ARHGAP8: variants seen among roughly 807,000 people sequenced by gnomAD.
ARHGAP8 encodes rho GTPase-activating protein 8.
Under a neutral mutation model 46.1 loss-of-function variants are expected in ARHGAP8, and 62 were observed. The observed-to-expected ratio is 1.34, with a 90% CI of 1.10 to 1.66. The LOEUF is 1.66. Ranked by LOEUF, ARHGAP8 falls within the 40% of genes most tolerant of loss-of-function variation. The pLI is 0.00. For synonymous variants in ARHGAP8, 375 were observed against 243.1 expected (o/e 1.54, Z -5.05); for missense variants, 923 against 568.4 (o/e 1.62, Z -6.34).
chr22:44,838,140 A>ATTTTTTTTTT (rs61131873), intron 7 of ARHGAP8, among the ~76,000 whole-genome samples: 29 of 143,530 alleles, frequency 2.0e-4, no homozygotes, highest in South Asian at 6.8e-4. Flanking sequence ...TGCCTGGCTA[A>ATTTTTTTTTT]TTTTTTTTTT....
At chr22:44,761,145 G>A (rs573415685) in intron 1 of ARHGAP8, among the ~76,000 whole-genome samples, 14 of 152,328 alleles carry the variant, frequency 9.2e-5, no homozygotes, top group East Asian at 3.9e-4. Context: ...CTTGGTCCTC[G>A]TGAAACTTTG....
intron 2 of ARHGAP8, among the ~76,000 whole-genome samples, chr22:44,791,977 C>G (rs887737567): frequency 6.6e-6 from 1 of 151,992 alleles, no homozygotes; most frequent in Non-Finnish European, 1.5e-5. Context: ...AGCAAAACTT[C>G]CAATTGCCAG....
intron 1 of ARHGAP8, among the ~76,000 whole-genome samples, chr22:44,770,296 G>T (rs962784583): frequency 6.6e-6 from 1 of 151,936 alleles, no homozygotes; most frequent in Non-Finnish European, 1.5e-5. Flanking sequence ...CTCCTTGTCT[G>T]CTGAGTCCAC....
At position 44,802,179 on chromosome 22, in the gene ARHGAP8, C is replaced by T; in HGVS notation, c.167+15C>T. On this transcript the variant is annotated intron_variant, in intron 3 of 11. Coordinates refer to ENST00000356099, the MANE Select transcript of ARHGAP8 (RefSeq NM_181335.3). ...CGGCTGCTGGAGTAAGTGTTCTGCCCCCTCTCTTTCTGTCCCTGTCTCTCC... is the reference window on the plus strand; with the variant it reads ...CGGCTGCTGGAGTAAGTGTTCTGCCTCCTCTCTTTCTGTCCCTGTCTCTCC... The T allele has an allele frequency of 1.2e-6, 2 of 1,613,780 alleles. No individual in the cohort carries two copies. Among genetic ancestry groups the T allele is most frequent in the Non-Finnish European group, 1.7e-6 (2 of 1,179,814 alleles).
At chr22:44,758,886 G>A (rs1311375912) in intron 1 of ARHGAP8, among the ~76,000 whole-genome samples, 1 of 152,198 alleles carries the variant, frequency 6.6e-6, no homozygotes, top group African/African-American at 2.4e-5. Context: ...GTTTGAGTTG[G>A]GAGAGAGGTC....
rs1602136981 is a variant in ARHGAP8 at position 44,759,001 on chromosome 22, T to C, written c.-72+6374T>C. On this transcript the variant is annotated intron_variant, in intron 1 of 11. Coordinates refer to ENST00000356099, the MANE Select transcript of ARHGAP8 (RefSeq NM_181335.3). ...ACCCAGCAGGCACAAGTGTGGATGG[T>C]AGGGATCATGGCAGAGGCCCCAGCT... Among the ~76,000 whole-genome samples, 3 of 152,240 alleles carry C rather than the reference T, an allele frequency of 2.0e-5. No homozygotes were observed. In the South Asian group the frequency reaches 6.2e-4, roughly 32 times the overall value.
chr22:44,845,929 C>T (rs2147160597), intron 8 of ARHGAP8, among the ~76,000 whole-genome samples: 1 of 152,306 alleles, frequency 6.6e-6, no homozygotes, highest in Admixed American at 6.5e-5. Flanking sequence ...GGCACCACAG[C>T]TGCAGGTGTG....
chr22:44,783,292 GC>G (rs1489264789), intron 1 of ARHGAP8, among the ~76,000 whole-genome samples: 1 of 152,020 alleles, frequency 6.6e-6, no homozygotes, highest in Non-Finnish European at 1.5e-5. Flanking sequence ...CTCTCTGAGT[GC>G]CCCCTCCCCA....
At chr22:44,851,956 C>T (rs1207576448) in intron 10 of ARHGAP8, among the ~76,000 whole-genome samples, 2 of 151,988 alleles carry the variant, frequency 1.3e-5, no homozygotes, top group Non-Finnish European at 2.9e-5. Flanking sequence ...TTCGGGAAGC[C>T]AAGGTGGGTG....
intron 4 of ARHGAP8, 193 bp downstream of exon 4, chr22:44,808,631 T>A: frequency 9.4e-7 from 1 of 1,069,218 alleles, no homozygotes; most frequent in Non-Finnish European, 1.4e-6. Flanking sequence ...CGGGCAGGGG[T>A]TGGCACTCAT....
intron 7 of ARHGAP8, among the ~76,000 whole-genome samples, chr22:44,839,307 G>T (rs912532217): frequency 5.3e-5 from 8 of 152,310 alleles, no homozygotes; most frequent in African/African-American, 1.9e-4. Flanking sequence ...GCTGTGGATT[G>T]CTGCTCAGTG....
intron 10 of ARHGAP8, among the ~76,000 whole-genome samples, chr22:44,855,683 T>C (rs2147183089): frequency 6.6e-6 from 1 of 152,292 alleles, no homozygotes; most frequent in South Asian, 2.1e-4. Context: ...TCGAAACCCA[T>C]AAGACTTTTT....
chr22:44,796,870 G>C (rs1220924256), intron 2 of ARHGAP8, among the ~76,000 whole-genome samples: 1 of 152,178 alleles, frequency 6.6e-6, no homozygotes, highest in Non-Finnish European at 1.5e-5. Context: ...TAGATTTGTA[G>C]GCAGCTTGTC....
chr22:44,846,451 T>G (rs1458776639), intron 8 of ARHGAP8, among the ~76,000 whole-genome samples: 2 of 152,152 alleles, frequency 1.3e-5, no homozygotes, highest in Non-Finnish European at 2.9e-5. Flanking sequence ...AGTGAGCAGA[T>G]GTGCTGGGCG....
intron 2 of ARHGAP8, chr22:44,801,850 T>G: frequency 8.8e-6 from 5 of 569,128 alleles, no homozygotes; most frequent in Non-Finnish European, 1.6e-5. Context: ...ATCTGTAAAG[T>G]GGGGGGATTA....
intron 5 of ARHGAP8, among the ~76,000 whole-genome samples, chr22:44,817,581 A>G (rs1473574035): frequency 1.3e-5 from 2 of 152,146 alleles, no homozygotes; most frequent in Non-Finnish European, 2.9e-5. Context: ...AGGCTAGCGG[A>G]TCACCTGAGG....
chr22:44,842,826 T>G (rs1440108310), intron 7 of ARHGAP8, among the ~76,000 whole-genome samples: 1 of 152,150 alleles, frequency 6.6e-6, no homozygotes, highest in African/African-American at 2.4e-5. Flanking sequence ...CTTAGAGTTG[T>G]CTCAGTGCAA....
chr22:44,769,271 C>T (rs1423136716), intron 1 of ARHGAP8, among the ~76,000 whole-genome samples: 2 of 152,212 alleles, frequency 1.3e-5, no homozygotes, highest in Non-Finnish European at 2.9e-5. Context: ...CGAAAATCAG[C>T]TGAACATATA....
intron 10 of ARHGAP8, among the ~76,000 whole-genome samples, chr22:44,857,364 G>C (rs1377335451): frequency 6.6e-6 from 1 of 152,136 alleles, no homozygotes; most frequent in Non-Finnish European, 1.5e-5. Flanking sequence ...CTGCAGGGAG[G>C]GTCAAAATCT....
Sources: gnomAD v4.1 joint callset for allele counts (sites outside exome capture counted in the v4.1 genomes callset) on GRCh38, gnomAD v4.1.1 for gene constraint, MANE v1.5 for transcripts, NCBI Gene and HGNC (gene_info 2026-07-23, HGNC 2026-07-21) for gene names.